The following HMGCLL1 variants were observed in gnomAD, a reference collection of about 807,000 sequenced individuals.
HMGCLL1 encodes 3-hydroxy-3-methylglutaryl-CoA lyase like 1.
In HMGCLL1, 36 loss-of-function variants were observed where a neutral mutation model predicts 39.1. The ratio of observed to expected loss-of-function variants is 0.92; its 90% CI spans 0.71 to 1.22. The LOEUF (loss-of-function observed/expected upper bound fraction) is 1.22, where lower values mean the gene tolerates loss of function less well. Ranked by LOEUF, HMGCLL1 falls within the 50% of genes most tolerant of loss-of-function variation. The probability of loss-of-function intolerance (pLI) is 0.00; values close to 1 mark genes in which losing one functional copy is unlikely to be tolerated. For synonymous variants in HMGCLL1, 149 were observed against 144.0 expected, an observed-to-expected ratio of 1.03 and a Z score of -0.25; for missense variants, 451 against 416.5, an observed-to-expected ratio of 1.08 and a Z score of -0.72.
the HMGCLL1 span, among the ~76,000 whole-genome samples, chr6:55,666,216 C>T: frequency 2.0e-5 from 3 of 151,700 alleles, no homozygotes; most frequent in East Asian, 5.8e-4. Context: ...ATGATCCAGC[C>T]ATGCAAATAA....
At chr6:55,551,634 G>T (rs1366759542) in intron 1 of HMGCLL1, among the ~76,000 whole-genome samples, 2 of 151,962 alleles carry the variant, frequency 1.3e-5, no homozygotes, top group Non-Finnish European at 2.9e-5. Flanking sequence ...AGATACAGGG[G>T]TGATGGCCTC....
the HMGCLL1 span, among the ~76,000 whole-genome samples, chr6:55,591,739 A>T: frequency 1.3e-5 from 2 of 151,160 alleles, no homozygotes; most frequent in Non-Finnish European, 3.0e-5. Flanking sequence ...AAAGTTTCCC[A>T]GAGTTCCCAT....
At chr6:55,453,222 A>C (rs1050437415) in intron 7 of HMGCLL1, among the ~76,000 whole-genome samples, 4 of 152,214 alleles carry the variant, frequency 2.6e-5, no homozygotes, top group Non-Finnish European at 5.9e-5. Context: ...TCTGTCGCCC[A>C]GGCTGGAGCG....
At chr6:55,587,305 G>C in the HMGCLL1 span, among the ~76,000 whole-genome samples, 1 of 151,958 alleles carries the variant, frequency 6.6e-6, no homozygotes, top group African/African-American at 2.4e-5. Context: ...CCTTTTGTCA[G>C]ATGAATAGAT....
intron 1 of HMGCLL1, among the ~76,000 whole-genome samples, chr6:55,542,564 G>A (rs534100327): frequency 1.3e-5 from 2 of 151,826 alleles, no homozygotes; most frequent in East Asian, 3.9e-4. Context: ...AGGATCATGA[G>A]GTCAGGAGTT....
chr6:55,434,962 G>A lies in HMGCLL1; in HGVS notation c.*700C>T, dbSNP rs1352134583. Reference sequence around the variant, plus strand: ...CTCAATAGTTGAGTAACACCATGCTGGTTTTTACTATAACTGATGACAGGT... The same window carrying A: ...CTCAATAGTTGAGTAACACCATGCTAGTTTTTACTATAACTGATGACAGGT... On this transcript the variant is annotated 3_prime_UTR_variant, in exon 9 of 9. Coordinates refer to ENST00000274901, the MANE Select transcript of HMGCLL1 (RefSeq NM_001042406.2). 6.6e-6 allele frequency: 1 copy of A among 152,302 alleles called. No homozygotes were observed. Among genetic ancestry groups the A allele is most frequent in the African/African-American group, 2.4e-5 (1 of 41,418 alleles). 9.4% of individuals were successfully genotyped at this position (152,302 alleles called of 1,614,324 possible).
intron 5 of HMGCLL1, among the ~76,000 whole-genome samples, chr6:55,503,555 G>A (rs931546148): frequency 6.6e-6 from 1 of 151,402 alleles, no homozygotes; most frequent in Non-Finnish European, 1.5e-5. Flanking sequence ...TGAAAAAGGG[G>A]GGTCTATGGG....
intron 7 of HMGCLL1, among the ~76,000 whole-genome samples, chr6:55,452,597 A>G (rs927087836): frequency 3.9e-5 from 6 of 152,180 alleles, no homozygotes; most frequent in African/African-American, 1.4e-4. Flanking sequence ...ACTGAGGCAT[A>G]GAATGTTTAA....
intron 1 of HMGCLL1, among the ~76,000 whole-genome samples, chr6:55,554,425 A>T (rs573406125): frequency 2.0e-5 from 3 of 152,104 alleles, no homozygotes; most frequent in Non-Finnish European, 4.4e-5. Flanking sequence ...ACATCACAGG[A>T]TAAGGTTTGA....
the HMGCLL1 span, among the ~76,000 whole-genome samples, chr6:55,627,875 A>G: frequency 2.0e-5 from 1 of 49,390 alleles, no homozygotes; most frequent in Admixed American, 3.4e-4. Context: ...TACTTAATAA[A>G]CTCCCTTATA....
chr6:55,645,300 A>G, the HMGCLL1 span, among the ~76,000 whole-genome samples: 2 of 151,770 alleles, frequency 1.3e-5, no homozygotes, highest in African/African-American at 2.4e-5. Context: ...TTTTTTTGGT[A>G]AAGACTTTAG....
intron 1 of HMGCLL1, among the ~76,000 whole-genome samples, chr6:55,555,682 T>C (rs948092579): frequency 1.3e-5 from 2 of 152,366 alleles, no homozygotes; most frequent in Middle Eastern, 3.4e-3. Flanking sequence ...ATTCATATTA[T>C]GGCTTTGAAA....
At chr6:55,658,929 GA>G in the HMGCLL1 span, among the ~76,000 whole-genome samples, 1 of 151,848 alleles carries the variant, frequency 6.6e-6, no homozygotes, top group Non-Finnish European at 1.5e-5. Context: ...GATCCTCTAA[GA>G]AATTTGTAAA....
At position 55,525,704 on chromosome 6, in the gene HMGCLL1, A is replaced by G. The variant is rs117838003; in HGVS notation, c.298-9101T>C. ...GACGACTTTTAAAATGCTTATTTCTATATTCTGTATTGGCCCCAATGAACC... is the reference window on the plus strand; with the variant it reads ...GACGACTTTTAAAATGCTTATTTCTGTATTCTGTATTGGCCCCAATGAACC... On this transcript the variant is annotated intron_variant, in intron 3 of 8. Transcript: ENST00000274901. Among the ~76,000 whole-genome samples the G allele has an allele frequency of 4.7e-4, 71 of 151,984 alleles. 1 individual carries two copies. In the East Asian group the frequency reaches 0.011, roughly 22 times the overall value.
intron 6 of HMGCLL1, 44 bp downstream of exon 6, chr6:55,499,192 A>G (rs2127426345): frequency 2.1e-6 from 3 of 1,444,970 alleles, no homozygotes; most frequent in African/African-American, 1.4e-5. Flanking sequence ...AAAATAATAT[A>G]TATCATGTTA....
intron 7 of HMGCLL1, among the ~76,000 whole-genome samples, chr6:55,467,226 C>T (rs545055152): frequency 1.4e-4 from 21 of 152,074 alleles, no homozygotes; most frequent in Admixed American, 2.6e-4. Flanking sequence ...CTTTAAGACA[C>T]GTGTAAAAAC....
intron 5 of HMGCLL1, chr6:55,513,597 C>G (rs1017617307): frequency 1.3e-5 from 2 of 157,482 alleles, no homozygotes; most frequent in African/African-American, 4.8e-5. Context: ...CAGAGCAGCT[C>G]AATTTTATAT....
chr6:55,651,938 C>G, the HMGCLL1 span, among the ~76,000 whole-genome samples: 1,401 of 152,172 alleles, frequency 9.2e-3, 27 homozygotes, highest in African/African-American at 0.033. Flanking sequence ...CACAGATTCT[C>G]TCTTTGGGTC....
At chr6:55,616,724 C>T in the HMGCLL1 span, among the ~76,000 whole-genome samples, 141,149 of 152,072 alleles carry the variant, frequency 0.93, 65,709 homozygotes, top group Non-Finnish European at 0.97. Flanking sequence ...ATGAGAAAAA[C>T]AATAATATGA....
Sources: gnomAD v4.1 joint callset for allele counts (sites outside exome capture counted in the v4.1 genomes callset) on GRCh38, gnomAD v4.1.1 for gene constraint, MANE v1.5 for transcripts, NCBI Gene and HGNC (gene_info 2026-07-23, HGNC 2026-07-21) for gene names.